ZNF404: variants seen among roughly 807,000 people sequenced by gnomAD.
The protein encoded by ZNF404 is zinc finger protein 404.
ZNF404 carries 7 observed loss-of-function variants against 7.3 expected under a neutral mutation model. The ratio of observed to expected loss-of-function variants is 0.95; its 90% CI spans 0.54 to 1.79. ZNF404 has a LOEUF of 1.79. Ranked by LOEUF, ZNF404 falls within the 40% of genes most tolerant of loss-of-function variation. The pLI, the probability that ZNF404 is intolerant of heterozygous loss-of-function variation, is 0.00. For synonymous variants in ZNF404, 191 were observed against 209.9 expected (o/e 0.91, Z 0.78); for missense variants, 560 against 661.5 (o/e 0.85, Z 1.68).
Position 43,873,973 on chromosome 19 carries a change from G to A in ZNF404, c.241C>T (p.Leu81Phe). The A allele has an allele frequency of 6.2e-7, 1 of 1,612,614 alleles. No individual in the cohort carries two copies. The highest frequency in any genetic ancestry group is 8.5e-7 in the Non-Finnish European group (1 of 1,179,302). ...ETWKRNKTFN[L>F]MRFIFRTDPQ... ...TCAGTTCTGAAAATAAACCTCATAAGGTTGAAGGTTTTATTTCTTTTCCAT... is the reference window on the plus strand; with the variant it reads ...TCAGTTCTGAAAATAAACCTCATAAAGTTGAAGGTTTTATTTCTTTTCCAT... Residue 81 changes from leucine (L) to phenylalanine (F), a missense_variant, in exon 3 of 3, where the codon CTT (leucine) becomes TTT (phenylalanine). Transcript: ENST00000587539.
At chr19:43,883,808 A>G (rs967067903) in intron 1 of ZNF404, 148 bp downstream of exon 1, 18 of 749,226 alleles carry the variant, frequency 2.4e-5, no homozygotes, top group Non-Finnish European at 3.9e-5. Context: ...TGAGGAGGAC[A>G]TCATCCATCA....
At chr19:43,874,222 A>C in intron 2 of ZNF404, 145 bp from the exon 3 acceptor site, 2 of 624,326 alleles carry the variant, frequency 3.2e-6, no homozygotes. Context: ...ACTGCCATGC[A>C]ATTTTTAAAA....
Position 43,880,799 on chromosome 19 carries a change from C to T in ZNF404, c.10-663G>A, listed in dbSNP as rs1971889031. On this transcript the variant is annotated intron_variant, in intron 1 of 2. Coordinates refer to ENST00000587539, the MANE Select transcript of ZNF404 (RefSeq NM_001033719.3). ...AAAGCCCACTGGATTCCACTGAGAA[C>T]AAGAAAAGTACAAACCAATATCCAT... is the stretch of plus-strand genomic sequence containing the variant. Among the ~76,000 whole-genome samples, 3 of 152,092 alleles carry T rather than the reference C, an allele frequency of 2.0e-5. No individual in the cohort carries two copies. The South Asian group carries it at 6.2e-4, about 32-fold the overall frequency.
Position 43,873,306 on chromosome 19 carries a change from T to C in ZNF404, c.908A>G (p.Gln303Arg). The C allele has an allele frequency of 6.2e-7, 1 of 1,613,532 alleles. No homozygotes were observed. The highest frequency in any genetic ancestry group is 8.5e-7 in the Non-Finnish European group (1 of 1,179,652). ...HSGEKPYKCE[Q>R]CEKAFVRSYL... is the part of the protein sequence containing the mutation. ...GCTGCGAACAAAGGCCTTTTCACAT[T>C]GTTCACATTTATATGGTTTCTCACC... The change falls in exon 3 of 3, where the codon CAA becomes CGA. Residue 303 changes from glutamine (Q) to arginine (R), a missense_variant. By Grantham distance (43) the Gln-to-Arg change is conservative. Coordinates refer to ENST00000587539, the MANE Select transcript of ZNF404 (RefSeq NM_001033719.3).
chr19:43,876,142 T>C (rs937943994), intron 2 of ZNF404, among the ~76,000 whole-genome samples: 1 of 151,858 alleles, frequency 6.6e-6, no homozygotes, highest in Non-Finnish European at 1.5e-5. Context: ...TGGCCAACAA[T>C]AGGAAATCTA....
At chr19:43,875,616 C>T (rs982731348) in intron 2 of ZNF404, among the ~76,000 whole-genome samples, 4 of 152,110 alleles carry the variant, frequency 2.6e-5, no homozygotes, top group African/African-American at 4.8e-5. Flanking sequence ...ATATATTGGA[C>T]GTAGGCTGAA....
intron 2 of ZNF404, 86 bp from the exon 3 acceptor site, chr19:43,874,163 C>A: frequency 2.1e-6 from 2 of 942,412 alleles, no homozygotes; most frequent in Non-Finnish European, 3.0e-6. Flanking sequence ...TAGTGATAAA[C>A]TAAAAAGTGT....
At chr19:43,880,670 G>A (rs1000214616) in intron 1 of ZNF404, among the ~76,000 whole-genome samples, 36 of 152,100 alleles carry the variant, frequency 2.4e-4, no homozygotes, top group African/African-American at 8.5e-4. Context: ...ATTGCGCAAT[G>A]ATACCTGAAA....
intron 2 of ZNF404, 58 bp from the exon 3 acceptor site, chr19:43,874,135 G>A: frequency 1.1e-5 from 13 of 1,150,640 alleles, no homozygotes; most frequent in Non-Finnish European, 1.5e-5. Flanking sequence ...GGTAGGGAGA[G>A]GACATCTATA....
chr19:43,878,287 A>G (rs960729996), intron 2 of ZNF404, among the ~76,000 whole-genome samples: 1 of 149,982 alleles, frequency 6.7e-6, no homozygotes, highest in African/African-American at 2.5e-5. Context: ...AACTGGTGTG[A>G]GATGGTATCT....
chr19:43,880,011 C>A lies in ZNF404; in HGVS notation c.135G>T (p.Leu45Phe), dbSNP rs201247654. 8.1e-6 allele frequency: 13 copies of A among 1,613,458 alleles called. No homozygotes were observed. The highest frequency in any genetic ancestry group is 8.5e-6 in the Non-Finnish European group (10 of 1,179,544). ...MLENYTNLVS[L>F]DFNFTTESNK... ...ATCATTTTGTGCAGATATTCTTACC[C>A]AATGAGACCAAGTTAGTATAATTCT... is the stretch of plus-strand genomic sequence containing the variant. Residue 45 changes from leucine (L) to phenylalanine (F), a missense_variant and splice_region_variant, in exon 2 of 3, where the codon TTG becomes TTT. Leu to Phe is a conservative substitution (Grantham distance 22, BLOSUM62 0). Transcript: ENST00000587539.
chr19:43,876,487 A>C (rs1971850973), intron 2 of ZNF404, among the ~76,000 whole-genome samples: 1 of 152,298 alleles, frequency 6.6e-6, no homozygotes, highest in Non-Finnish European at 1.5e-5. Context: ...GGAAAATCCA[A>C]ATATAATGAC....
intron 2 of ZNF404, among the ~76,000 whole-genome samples, chr19:43,876,398 A>C (rs151292572): frequency 0.019 from 2,933 of 152,252 alleles, 93 homozygotes; most frequent in African/African-American, 0.067. Context: ...ATATAATACA[A>C]GCAAAATTTA....
At chr19:43,880,273 T>G in intron 1 of ZNF404, 137 bp from the exon 2 acceptor site, 1 of 702,008 alleles carries the variant, frequency 1.4e-6, no homozygotes, top group Non-Finnish European at 2.3e-6. Context: ...TAGATAAGAG[T>G]AAATAAATTA....
At chr19:43,881,379 C>T (rs905585390) in intron 1 of ZNF404, among the ~76,000 whole-genome samples, 1 of 152,032 alleles carries the variant, frequency 6.6e-6, no homozygotes, top group South Asian at 2.1e-4. Flanking sequence ...AGTGAGTTAG[C>T]AAGCTGAGAA....
At position 43,873,774 on chromosome 19, in the gene ZNF404, G is replaced by A. The variant is rs1214218627; in HGVS notation, c.440C>T (p.Thr147Ile). ...KKGFRKYLHL[T>I]EHLRDHTGVI... is the part of the protein sequence containing the mutation. ...ACCAGTATGGTCTCTCAGATGTTCA[G>A]TAAGGTGCAAATATTTTCTAAAGCC... is the stretch of plus-strand genomic sequence containing the variant. Residue 147 changes from threonine to isoleucine, a missense_variant, in exon 3 of 3, where the codon ACT (threonine) becomes ATT (isoleucine). Thr to Ile is a moderately conservative substitution (Grantham distance 89). Coordinates refer to ENST00000587539, the MANE Select transcript of ZNF404 (RefSeq NM_001033719.3). 1 of 1,587,206 alleles carries A rather than the reference G, an allele frequency of 6.3e-7. No individual in the cohort carries two copies. Among genetic ancestry groups the A allele is most frequent in the Admixed American group, 1.7e-5 (1 of 58,210 alleles).
intron 1 of ZNF404, among the ~76,000 whole-genome samples, chr19:43,883,076 G>A (rs1456932485): frequency 6.6e-6 from 1 of 151,904 alleles, no homozygotes; most frequent in Non-Finnish European, 1.5e-5. Context: ...ACTCTATCCT[G>A]GGTGACAGAG....
Position 43,873,489 on chromosome 19 carries a change from G to C in ZNF404, c.725C>G (p.Pro242Arg). Reference sequence around the variant, plus strand: ...TTCCCCACATTCCTTACATTCAAAGGGTTTCAAGCCAACATGAATTTTCTG... The same window carrying C: ...TTCCCCACATTCCTTACATTCAAAGCGTTTCAAGCCAACATGAATTTTCTG... ...EHQKIHVGLK[P>R]FECKECGETF... Residue 242 changes from proline (P) to arginine (R), a missense_variant, in exon 3 of 3, where the codon CCC becomes CGC. Transcript: ENST00000587539. The C allele has an allele frequency of 1.9e-6, 3 of 1,613,336 alleles. 1 individual carries two copies.
chr19:43,880,698 G>A (rs1971888431), intron 1 of ZNF404, among the ~76,000 whole-genome samples: 1 of 151,930 alleles, frequency 6.6e-6, no homozygotes, highest in Admixed American at 6.6e-5. Flanking sequence ...AACAAATGAG[G>A]TGAAACCTAC....
Sources: allele counts gnomAD v4.1 joint callset (sites outside exome capture counted in the v4.1 genomes callset), GRCh38; gene constraint gnomAD v4.1.1; transcripts MANE v1.5; gene names NCBI Gene and HGNC (gene_info 2026-07-23, HGNC 2026-07-21).